PRXL2B: variants seen among roughly 807,000 people sequenced by gnomAD.
PRXL2B encodes peroxiredoxin like 2B.
Under a neutral mutation model 24.4 loss-of-function variants are expected in PRXL2B, and 26 were observed. The observed-to-expected ratio is 1.07, with a 90% CI of 0.78 to 1.48. PRXL2B has a LOEUF of 1.48. PRXL2B is among the 40% of genes most tolerant of loss of function. The pLI is 0.00. For synonymous variants in PRXL2B, 115 were observed against 118.9 expected (o/e 0.97, Z 0.21); for missense variants, 269 against 264.8 (o/e 1.02, Z -0.11).
At chr1:2,589,143 G>A in intron 6 of PRXL2B, 103 bp downstream of exon 6, 3 of 1,182,382 alleles carry the variant, frequency 2.5e-6, no homozygotes, top group Non-Finnish European at 3.7e-6. Flanking sequence ...CAGCGCTGTG[G>A]GCATCATGCC....
Position 2,588,608 on chromosome 1 carries a change from T to C in PRXL2B, c.443T>C (p.Leu148Pro). The C allele has an allele frequency of 6.2e-7, 1 of 1,614,030 alleles. No individual in the cohort carries two copies. The highest frequency in any genetic ancestry group is 8.5e-7 in the Non-Finnish European group (1 of 1,179,960). The change falls in exon 5 of 7, where the codon CTG becomes CCG. Residue 148 changes from leucine (L) to proline (P), a missense_variant. Physicochemically the swap from Leu to Pro is moderately conservative, Grantham distance 98 (BLOSUM62 -3). Coordinates refer to ENST00000419916, the MANE Select transcript of PRXL2B (RefSeq NM_152371.5). Reference sequence around the variant, plus strand: ...GGGGACCTGCTGCAGAGCGGAGGGCTGCTGGTGGTCAGCAAAGGTGGGTCG... The same window carrying C: ...GGGGACCTGCTGCAGAGCGGAGGGCCGCTGGTGGTCAGCAAAGGTGGGTCG... ...LSGDLLQSGG[L>P]LVVSKGGDKV...
chr1:2,589,131 C>T, intron 6 of PRXL2B, 91 bp downstream of exon 6: 1 of 1,294,112 alleles, frequency 7.7e-7, no homozygotes, highest in Non-Finnish European at 1.1e-6. Context: ...GGAGCTGAGC[C>T]ACAGCGCTGT....
At position 2,586,843 on chromosome 1, in the gene PRXL2B, C is replaced by T; in HGVS notation, c.-43C>T. On this transcript the variant is annotated 5_prime_UTR_variant, in exon 1 of 7. Transcript: ENST00000419916. ...GGAGCGAGGAGCCGGGAGCGGGGAA[C>T]AGGGAGTCGGGGAGCCGGGAACCAG... 1 of 1,282,266 alleles carries T rather than the reference C, an allele frequency of 7.8e-7. No homozygotes were observed. The highest frequency in any genetic ancestry group is 9.8e-7 in the Non-Finnish European group (1 of 1,015,462). The allele number at this position is 1,282,266 out of a possible 1,614,324, so 79.4% of individuals were successfully genotyped here.
chr1:2,588,739 A>G (rs2100906695), intron 5 of PRXL2B, 114 bp downstream of exon 5: 1 of 1,296,920 alleles, frequency 7.7e-7, no homozygotes, highest in East Asian at 2.3e-5. Context: ...CCTCCGCCGC[A>G]ATGTGGCCTG....
rs11550952 is a variant in PRXL2B, at chr1:2,591,125, C to A, written c.*1698C>A. On this transcript the variant is annotated 3_prime_UTR_variant, in exon 7 of 7. Transcript: ENST00000419916. The stretch of plus-strand genomic sequence containing the variant: ...GTGGGTGTGACAGCAGGAGCATTGC[C>A]ATCTTGGACAAACATGGCCATTTTA... 6.9e-7 allele frequency: 1 copy of A among 1,441,788 alleles called. No individual in the cohort carries two copies. Among genetic ancestry groups the A allele is most frequent in the Non-Finnish European group, 9.3e-7 (1 of 1,069,836 alleles). The allele number at this position is 1,441,788 out of a possible 1,614,324, so 89.3% of individuals were successfully genotyped here. A position where few individuals can be genotyped will look rare whatever the true frequency, so the allele number is the denominator to read the frequency against.
In PRXL2B at chr1:2,589,613, G is replaced by A; in HGVS notation, c.*186G>A. ...CCACGCACTGCTTCGCAGGCTCCGA[G>A]CCCTGCATCCTCCACAGCCCCCGCC... On this transcript the variant is annotated 3_prime_UTR_variant, in exon 7 of 7. Transcript: ENST00000419916. The A allele has an allele frequency of 1.3e-6, 1 of 775,838 alleles. No homozygotes were observed. The highest frequency in any genetic ancestry group is 1.7e-5 in the South Asian group (1 of 58,436). 48.1% of individuals were successfully genotyped at this position (775,838 alleles called of 1,614,324 possible).
rs1257914464 is a variant in PRXL2B, at chr1:2,587,530, C to G, written c.269-211C>G. Among the ~76,000 whole-genome samples, 1 of 152,144 alleles carries G rather than the reference C, an allele frequency of 6.6e-6. No homozygotes were observed. Among genetic ancestry groups the G allele is most frequent in the African/African-American group, 2.4e-5 (1 of 41,438 alleles). On this transcript the variant is annotated intron_variant, in intron 2 of 6. Transcript: ENST00000419916. This position sits in a 1 kb window ranked among gnomAD's most constrained non-coding sequence, Gnocchi z 6.1. Reference sequence around the variant, plus strand: ...CTGGACGAGCTCTGCCCCGCCGGCTCCACCTGTTGCCTCTGGGACTCAGCC... The same window carrying G: ...CTGGACGAGCTCTGCCCCGCCGGCTGCACCTGTTGCCTCTGGGACTCAGCC...
Position 2,591,334 on chromosome 1 carries a change from A to G in PRXL2B, c.*1907A>G, listed in dbSNP as rs1473766308. 5.0e-6 allele frequency: 3 copies of G among 600,610 alleles called. No individual in the cohort carries two copies. Among genetic ancestry groups the G allele is most frequent in the Non-Finnish European group, 8.9e-6 (3 of 338,424 alleles). The allele number at this position is 600,610 out of a possible 1,614,324, so 37.2% of individuals were successfully genotyped here. ...ATAAAACTCTCCTTCACACAGAAAC[A>G]TTCGCAGCCTGCGGTAGGCTCCCCC... On this transcript the variant is annotated 3_prime_UTR_variant, in exon 7 of 7. Transcript: ENST00000419916.
chr1:2,587,379 C>G lies in PRXL2B; in HGVS notation c.268+84C>G, dbSNP rs1377557849. 15 of 1,453,004 alleles carry G rather than the reference C, an allele frequency of 1.0e-5. No homozygotes were observed. Among genetic ancestry groups the G allele is most frequent in the Non-Finnish European group, 1.4e-5 (15 of 1,078,000 alleles). The allele number at this position is 1,453,004 out of a possible 1,614,324, so 90.0% of individuals were successfully genotyped here. Reference sequence around the variant, plus strand: ...GGGGCCCTTTCCTGCCCAACCCCGGCCCTTCTGTCTGCTGGAGCGGCCTTG... The same window carrying G: ...GGGGCCCTTTCCTGCCCAACCCCGGGCCTTCTGTCTGCTGGAGCGGCCTTG... On this transcript the variant is annotated intron_variant, in intron 2 of 6. Transcript: ENST00000419916. The surrounding 1 kb of genome is among the most constrained non-coding windows in gnomAD (Gnocchi z 6.1).
rs1228164389 is a variant in PRXL2B, at chr1:2,588,589, C to G, written c.424C>G (p.Leu142Val). The G allele has an allele frequency of 1.9e-6, 3 of 1,614,008 alleles. No individual in the cohort carries two copies. The highest frequency in any genetic ancestry group is 1.7e-5 in the Admixed American group (1 of 60,006). Residue 142 changes from leucine to valine, a missense_variant, in exon 5 of 7, where the codon CTG (leucine) becomes GTG (valine). Leu to Val is a conservative substitution (Grantham distance 32). Coordinates refer to ENST00000419916, the MANE Select transcript of PRXL2B (RefSeq NM_152371.5). Reference sequence around the variant, plus strand: ...CATCCAGGGGAACTTGTCTGGGGACCTGCTGCAGAGCGGAGGGCTGCTGGT... The same window carrying G: ...CATCCAGGGGAACTTGTCTGGGGACGTGCTGCAGAGCGGAGGGCTGCTGGT... Reference protein sequence around the residue: ...VGIQGNLSGDLLQSGGLLVVS... With the variant: ...VGIQGNLSGDVLQSGGLLVVS...
At position 2,589,034 on chromosome 1, in the gene PRXL2B, G is replaced by A. The variant is rs373074035; in HGVS notation, c.573G>A (p.Pro191=). 209 of 1,612,444 alleles carry A rather than the reference G, an allele frequency of 1.3e-4. 2 individuals carry two copies. Among genetic ancestry groups the A allele is most frequent in the South Asian group, 4.4e-4 (40 of 91,082 alleles). Residue 191 remains proline, a synonymous_variant, in exon 6 of 7, where the codon CCG becomes CCA. Transcript: ENST00000419916. ...CTGCGGAGGTCTGTGCCAGCGACCC[G>A]CCTCAGGTGAGCTGGGCCTTGGGGG... The part of the protein sequence containing the change: ...GISAEVCASD[P]PQCDREV
upstream of PRXL2B, chr1:2,586,560 T>G: frequency 4.0e-5 from 16 of 401,610 alleles, no homozygotes; most frequent in Non-Finnish European, 5.0e-5. Context: ...GGACCCAGGA[T>G]TTGGCGCCGC....
rs1396366421 is a variant in PRXL2B at position 2,587,119 on chromosome 1, A to G, written c.92A>G (p.Glu31Gly). Residue 31 changes from glutamate to glycine, a missense_variant, in exon 2 of 7, where the codon GAG becomes GGG. Physicochemically the swap from Glu to Gly is moderately conservative, Grantham distance 98. Transcript: ENST00000419916. This position sits in a 1 kb window ranked among gnomAD's most constrained non-coding sequence, Gnocchi z 6.1. ...GTGGAGCTGCGGAGCCTGTGGCGGG[A>G]GCACGCGTGCGTGGTGGCCGGGCTG... The part of the protein sequence containing the change: ...EAVELRSLWR[E>G]HACVVAGLRR... The G allele has an allele frequency of 9.2e-6, 14 of 1,526,450 alleles. No individual in the cohort carries two copies. In the African/African-American group the frequency reaches 1.8e-4, roughly 20 times the overall value. The allele number at this position is 1,526,450 out of a possible 1,614,324, so 94.6% of individuals were successfully genotyped here. A position where few individuals can be genotyped will look rare whatever the true frequency, so the allele number is the denominator to read the frequency against.
chr1:2,586,683 C>T, upstream of PRXL2B: 3 of 1,172,730 alleles, frequency 2.6e-6, no homozygotes, highest in Admixed American at 1.5e-4. Flanking sequence ...GGGCGCGCTG[C>T]GGCCATCTTG....
In PRXL2B at chr1:2,589,442, C is replaced by CCA; in HGVS notation, c.*15_*16insCA. The CCA allele has an allele frequency of 6.2e-7, 1 of 1,613,776 alleles. No individual in the cohort carries two copies. Among genetic ancestry groups the CCA allele is most frequent in the Non-Finnish European group, 8.5e-7 (1 of 1,179,912 alleles). ...GAGAGGTGTGAGGGAGGCGAAGGCCCTGGCCTCCGAGGATCTGGGTGGCGT... is the reference window on the plus strand; with the variant it reads ...GAGAGGTGTGAGGGAGGCGAAGGCCCCATGGCCTCCGAGGATCTGGGTGGCGT... On this transcript the variant is annotated 3_prime_UTR_variant, in exon 7 of 7. Transcript: ENST00000419916.
Position 2,591,090 on chromosome 1 carries a change from C to T in PRXL2B, c.*1663C>T, listed in dbSNP as rs761228284. 2.5e-5 allele frequency: 39 copies of T among 1,574,876 alleles called. No homozygotes were observed. The highest frequency in any genetic ancestry group is 3.1e-5 in the Non-Finnish European group (36 of 1,161,256). On this transcript the variant is annotated 3_prime_UTR_variant, in exon 7 of 7. Transcript: ENST00000419916. ...CAGGTTCTGCAGCGACCCCAGTACCCTGTGGGTGGGTGGGTGTGACAGCAG... is the reference window on the plus strand; with the variant it reads ...CAGGTTCTGCAGCGACCCCAGTACCTTGTGGGTGGGTGGGTGTGACAGCAG...
At position 2,590,859 on chromosome 1, in the gene PRXL2B, G is replaced by T; in HGVS notation, c.*1432G>T. The T allele has an allele frequency of 1.5e-6, 1 of 658,282 alleles. No homozygotes were observed. The highest frequency in any genetic ancestry group is 2.3e-6 in the Non-Finnish European group (1 of 436,650). The allele number at this position is 658,282 out of a possible 1,614,324, so 40.8% of individuals were successfully genotyped here. A position where few individuals can be genotyped will look rare whatever the true frequency, so the allele number is the denominator to read the frequency against. ...GTGGCTGCACCCTAGGCCAGGCGCAGAGGCCTGGCAGGCAGGCTTGGCATG... is the reference window on the plus strand; with the variant it reads ...GTGGCTGCACCCTAGGCCAGGCGCATAGGCCTGGCAGGCAGGCTTGGCATG... On this transcript the variant is annotated 3_prime_UTR_variant, in exon 7 of 7. Transcript: ENST00000419916.
Position 2,589,262 on chromosome 1 carries a change from C to T in PRXL2B, c.580-148C>T, listed in dbSNP as rs1644615049. ...GGATGGACAGGCACCTTGGGACTGT[C>T]CTCAGAGGTGGGGGCGACACATGGG... On this transcript the variant is annotated intron_variant, in intron 6 of 6. Transcript: ENST00000419916. The T allele has an allele frequency of 3.9e-6, 5 of 1,266,884 alleles. No individual in the cohort carries two copies. In the East Asian group the frequency reaches 1.2e-4, roughly 30 times the overall value. 78.5% of individuals were successfully genotyped at this position (1,266,884 alleles called of 1,614,324 possible).
In PRXL2B at chr1:2,590,755, T is replaced by C. The variant is rs1179803491; in HGVS notation, c.*1328T>C. 5.0e-6 allele frequency: 2 copies of C among 401,844 alleles called. No individual in the cohort carries two copies. The highest frequency in any genetic ancestry group is 3.6e-5 in the East Asian group (1 of 28,018). The allele number at this position is 401,844 out of a possible 1,614,324, so 24.9% of individuals were successfully genotyped here. On this transcript the variant is annotated 3_prime_UTR_variant, in exon 7 of 7. Coordinates refer to ENST00000419916, the MANE Select transcript of PRXL2B (RefSeq NM_152371.5). ...CTCTACAGAGCTGTGACGGGGGCAC[T>C]GAGCCCCGCGGGTGTCTGTGGAGGG... is the stretch of plus-strand genomic sequence containing the variant.
Sources: gnomAD v4.1 joint callset for allele counts (sites outside exome capture counted in the v4.1 genomes callset) on GRCh38, gnomAD v4.1.1 for gene constraint, Gnocchi (gnomAD v3.1) non-coding constraint, MANE v1.5 for transcripts, NCBI Gene and HGNC (gene_info 2026-07-23, HGNC 2026-07-21) for gene names.